The following MBD5 variants were observed in gnomAD, a reference collection of about 807,000 sequenced individuals.
MBD5 encodes the protein methyl-CpG binding domain protein 5, also known as methyl-CpG-binding domain protein 5.
In MBD5, 13 loss-of-function variants were observed where a neutral mutation model predicts 117.3. The ratio of observed to expected loss-of-function variants is 0.11; its 90% CI spans 0.07 to 0.18. The LOEUF (loss-of-function observed/expected upper bound fraction) is 0.18. Ranked by LOEUF, MBD5 falls within the 10% of genes least tolerant of loss-of-function variation. The probability of loss-of-function intolerance (pLI) is 1.00; values close to 1 mark genes in which losing one functional copy is unlikely to be tolerated. For synonymous variants in MBD5, 727 were observed against 766.4 expected, an observed-to-expected ratio of 0.95 and a Z score of 0.85; for missense variants, 1,879 against 2,093.8, an observed-to-expected ratio of 0.90 and a Z score of 2.00.
intron 3 of MBD5, among the ~76,000 whole-genome samples, chr2:148,294,506 T>TTTTGTTTTGTTTTTTTTTTTTTGTTTTG (rs1701594756): frequency 1.8e-4 from 23 of 130,688 alleles, no homozygotes; most frequent in African/African-American, 6.4e-4. Context: ...TTACAGTTTT[T>TTTTGTTTTGTTTTTTTTTTTTTGTTTTG]TTTTTTTTTT....
chr2:148,294,501 G>GTTTTTTTTTT (rs58961481), intron 3 of MBD5, among the ~76,000 whole-genome samples: 3 of 113,212 alleles, frequency 2.6e-5, no homozygotes, highest in African/African-American at 1.1e-4. Context: ...TGGGATTACA[G>GTTTTTTTTTT]TTTTTTTTTT....
At chr2:148,400,971 G>A (rs1704901960) in intron 4 of MBD5, among the ~76,000 whole-genome samples, 1 of 152,118 alleles carries the variant, frequency 6.6e-6, no homozygotes, top group Admixed American at 6.5e-5. Context: ...TATCTAAAAG[G>A]AAATTGAGTC....
chr2:148,267,933 GCT>G (rs1700894876), intron 3 of MBD5, among the ~76,000 whole-genome samples: 1 of 145,538 alleles, frequency 6.9e-6, no homozygotes, highest in African/African-American at 2.5e-5. Flanking sequence ...TTTCTCTCTC[GCT>G]CTCTTTTCTT....
chr2:148,044,288 A>G (rs1213033256), intron 1 of MBD5: 1 of 152,228 alleles, frequency 6.6e-6, no homozygotes, highest in Non-Finnish European at 1.5e-5. Flanking sequence ...TAGTAGGGAC[A>G]TGCCATTATC....
At chr2:148,441,537 G>A (rs1706323487) in intron 4 of MBD5, among the ~76,000 whole-genome samples, 1 of 152,154 alleles carries the variant, frequency 6.6e-6, no homozygotes. Context: ...CCAAGTCTTT[G>A]CTATTGTGAA....
intron 3 of MBD5, among the ~76,000 whole-genome samples, chr2:148,318,876 C>G (rs138911971): frequency 6.6e-6 from 1 of 152,140 alleles, no homozygotes; most frequent in South Asian, 2.1e-4. Flanking sequence ...CCATCATGCC[C>G]GGCTAATTCT....
intron 2 of MBD5, among the ~76,000 whole-genome samples, chr2:148,214,067 G>A (rs1699493442): frequency 2.0e-5 from 3 of 152,058 alleles, no homozygotes; most frequent in African/African-American, 7.2e-5. Flanking sequence ...ATTTTAAAGG[G>A]AAGAAATATT....
chr2:148,457,753 T>C (rs1706929034), intron 4 of MBD5, among the ~76,000 whole-genome samples: 1 of 152,152 alleles, frequency 6.6e-6, no homozygotes, highest in South Asian at 2.1e-4. Context: ...CATTTTCTTC[T>C]CTAGACCAAA....
At chr2:148,512,502 A>G (rs938646151) in intron 13 of MBD5, among the ~76,000 whole-genome samples, 7 of 152,166 alleles carry the variant, frequency 4.6e-5, no homozygotes, top group African/African-American at 1.7e-4. Context: ...GCTGTAGTGA[A>G]ATTGGTGATC....
chr2:148,148,619 C>A (rs1697538834), intron 1 of MBD5, among the ~76,000 whole-genome samples: 1 of 152,096 alleles, frequency 6.6e-6, no homozygotes, highest in Non-Finnish European at 1.5e-5. Flanking sequence ...AGTCCTTTGT[C>A]TATTCCTTTT....
Position 148,469,094 on chromosome 2 carries a change from A to G in MBD5, c.1151A>G (p.Asn384Ser), listed in dbSNP as rs769703318. 1.2e-6 allele frequency: 2 copies of G among 1,613,992 alleles called. No homozygotes were observed. Among genetic ancestry groups the G allele is most frequent in the Admixed American group, 3.3e-5 (2 of 59,996 alleles). The change falls in exon 8 of 14, where the codon AAT becomes AGT. Residue 384 changes from asparagine (N) to serine (S), a missense_variant. Coordinates refer to ENST00000642680, the MANE Select transcript of MBD5 (RefSeq NM_001378120.1). Reference sequence around the variant, plus strand: ...ATTAATCCAACCAGTTTCCATTCAAATGTCCACTCTCAGGTACCTATGATG... The same window carrying G: ...ATTAATCCAACCAGTTTCCATTCAAGTGTCCACTCTCAGGTACCTATGATG... The part of the protein sequence containing the change: ...VIINPTSFHS[N>S]VHSQVPMMNV...
intron 4 of MBD5, among the ~76,000 whole-genome samples, chr2:148,380,939 G>A (rs933319852): frequency 6.6e-6 from 1 of 152,108 alleles, no homozygotes; most frequent in African/African-American, 2.4e-5. Context: ...CTACCAAACA[G>A]AAAGGGCATC....
At chr2:148,218,050 G>A (rs1483858623) in intron 2 of MBD5, among the ~76,000 whole-genome samples, 1 of 152,182 alleles carries the variant, frequency 6.6e-6, no homozygotes, top group Admixed American at 6.5e-5. Context: ...ATATGTGCCA[G>A]ATCACTCACT....
intron 3 of MBD5, among the ~76,000 whole-genome samples, chr2:148,324,579 T>G (rs1355668495): frequency 1.3e-5 from 2 of 152,262 alleles, no homozygotes; most frequent in South Asian, 2.1e-4. Context: ...CCTAGGTATT[T>G]TATTCTCTTT....
intron 3 of MBD5, among the ~76,000 whole-genome samples, chr2:148,311,775 A>G (rs1221526481): frequency 6.6e-6 from 1 of 152,194 alleles, no homozygotes. Flanking sequence ...ATGTTTTTGC[A>G]GTGGCTGATA....
chr2:148,151,542 G>C (rs559240977), intron 1 of MBD5, among the ~76,000 whole-genome samples: 63 of 152,278 alleles, frequency 4.1e-4, no homozygotes, highest in Non-Finnish European at 7.9e-4. Context: ...TGTACCTCTG[G>C]TAAAATTCGG....
At chr2:148,384,146 A>C (rs1034788141) in intron 4 of MBD5, among the ~76,000 whole-genome samples, 5 of 152,258 alleles carry the variant, frequency 3.3e-5, no homozygotes, top group African/African-American at 1.2e-4. Flanking sequence ...AAGGGCATTC[A>C]ATTAGGAAAA....
In MBD5 at chr2:148,489,858, T is replaced by A; in HGVS notation, c.4226T>A (p.Val1409Glu). Residue 1409 changes from valine (V) to glutamate (E), a missense_variant, in exon 11 of 14, where the codon GTG becomes GAG. Coordinates refer to ENST00000642680, the MANE Select transcript of MBD5 (RefSeq NM_001378120.1). ...LPKNLDHGKN[V>E]NEGDGFEYFK... is the part of the protein sequence containing the mutation. The stretch of plus-strand genomic sequence containing the variant: ...AAGAATCTAGACCATGGGAAAAATG[T>A]GAACGAAGGAGATGGGTTTGAATAT... 6.2e-7 allele frequency: 1 copy of A among 1,613,922 alleles called. No homozygotes were observed. The highest frequency in any genetic ancestry group is 1.1e-5 in the South Asian group (1 of 91,060).
chr2:148,430,776 A>G (rs555888146), intron 4 of MBD5, among the ~76,000 whole-genome samples: 2 of 152,114 alleles, frequency 1.3e-5, no homozygotes, highest in Non-Finnish European at 2.9e-5. Flanking sequence ...TTAAACTCTA[A>G]ACAACTTCAT....
Sources: gnomAD v4.1 joint callset for allele counts (sites outside exome capture counted in the v4.1 genomes callset) on GRCh38, gnomAD v4.1.1 for gene constraint, MANE v1.5 for transcripts, NCBI Gene and HGNC (gene_info 2026-07-23, HGNC 2026-07-21) for gene names.